ANKRD10: variants seen among roughly 807,000 people sequenced by gnomAD.
ANKRD10 encodes the protein ankyrin repeat domain-containing protein 10.
Under a neutral mutation model 27.0 loss-of-function variants are expected in ANKRD10, and 14 were observed. The observed-to-expected ratio is 0.52, with a 90% CI of 0.34 to 0.81. The LOEUF (loss-of-function observed/expected upper bound fraction) is 0.81. Ranked by LOEUF, ANKRD10 falls within the 40% of genes least tolerant of loss-of-function variation. The probability of loss-of-function intolerance (pLI) is 0.01; values close to 1 mark genes in which losing one functional copy is unlikely to be tolerated. For missense variants in ANKRD10, 493 were observed against 544.0 expected (o/e 0.91, Z 0.93); for synonymous variants, 250 against 224.5 (o/e 1.11, Z -1.01).
chr13:110,906,611 T>C (rs1419849407), intron 2 of ANKRD10, among the ~76,000 whole-genome samples: 1 of 152,204 alleles, frequency 6.6e-6, no homozygotes, highest in Non-Finnish European at 1.5e-5. Flanking sequence ...ATCTTGAATC[T>C]TCTGCTTTGA....
At chr13:110,909,413 A>G (rs1441921360) in intron 2 of ANKRD10, among the ~76,000 whole-genome samples, 1 of 152,246 alleles carries the variant, frequency 6.6e-6, no homozygotes, top group East Asian at 1.9e-4. Context: ...GGTATTGAGT[A>G]GGTAATTCAT....
At chr13:110,900,649 C>G (rs1386714321) in intron 3 of ANKRD10, 1 of 1,352,000 alleles carries the variant, frequency 7.4e-7, no homozygotes, top group Non-Finnish European at 9.8e-7. Flanking sequence ...AATGCTCCCC[C>G]TTTCTAGGAT....
At chr13:110,894,312 A>G in intron 3 of ANKRD10, 1 of 612,154 alleles carries the variant, frequency 1.6e-6, no homozygotes, top group Non-Finnish European at 2.9e-6. Context: ...CTACATCCAC[A>G]GCAAAAGCAT....
At chr13:110,896,963 A>C (rs539668247) in intron 3 of ANKRD10, among the ~76,000 whole-genome samples, 13 of 137,480 alleles carry the variant, frequency 9.5e-5, no homozygotes, top group Admixed American at 3.8e-4. Flanking sequence ...GTACATTGTA[A>C]ATTCCAATAC....
rs911836458 is a variant in ANKRD10 at position 110,914,857 on chromosome 13, C to A, written c.78G>T (p.Leu26=). ...GGTCCCCGTCGCGGCAGGCGCGGTGCAGCGGGAAACGGAGCGAGAGCAGCT... is the reference window on the plus strand; with the variant it reads ...GGTCCCCGTCGCGGCAGGCGCGGTGAAGCGGGAAACGGAGCGAGAGCAGCT... ...SEELLSLRFP[L]HRACRDGDLA... The change falls in exon 1 of 6, where the codon CTG becomes CTT. Residue 26 remains leucine (L), a synonymous_variant. Transcript: ENST00000267339. 6.4e-7 allele frequency: 1 copy of A among 1,560,830 alleles called. No individual in the cohort carries two copies. The highest frequency in any genetic ancestry group is 2.4e-5 in the East Asian group (1 of 41,568).
At chr13:110,882,359 C>T (rs1290789969) in intron 5 of ANKRD10, among the ~76,000 whole-genome samples, 1 of 152,180 alleles carries the variant, frequency 6.6e-6, no homozygotes, top group African/African-American at 2.4e-5. Flanking sequence ...CGTGGAGTGC[C>T]ATGTCCCACA....
intron 4 of ANKRD10, among the ~76,000 whole-genome samples, chr13:110,885,595 G>C (rs1276282654): frequency 1.3e-5 from 2 of 151,974 alleles, no homozygotes; most frequent in East Asian, 3.9e-4. Flanking sequence ...AATGGGAGAG[G>C]GGGGTGGTGG....
At chr13:110,884,579 C>T (rs1383947498) in intron 4 of ANKRD10, among the ~76,000 whole-genome samples, 1 of 152,228 alleles carries the variant, frequency 6.6e-6, no homozygotes, top group African/African-American at 2.4e-5. Context: ...TATTCATTTA[C>T]CATGGCATAA....
At chr13:110,881,405 A>G (rs544021403) in intron 5 of ANKRD10, among the ~76,000 whole-genome samples, 1 of 152,344 alleles carries the variant, frequency 6.6e-6, no homozygotes, top group East Asian at 1.9e-4. Flanking sequence ...CTTCCTGCCA[A>G]TAAAGGATCA....
Position 110,887,731 on chromosome 13 carries a change from G to A in ANKRD10, c.692-3938C>T, listed in dbSNP as rs148653790. Reference sequence around the variant, plus strand: ...AGGCAAAGCTTGAGATCCTGACCTAGATTAGTCATCTACCTTTTACTGTGC... The same window carrying A: ...AGGCAAAGCTTGAGATCCTGACCTAAATTAGTCATCTACCTTTTACTGTGC... On this transcript the variant is annotated intron_variant, in intron 4 of 5. Coordinates refer to ENST00000267339, the MANE Select transcript of ANKRD10 (RefSeq NM_017664.4). Among the ~76,000 whole-genome samples the A allele has an allele frequency of 4.7e-3, 709 of 152,298 alleles. 3 individuals are homozygous for A. Among genetic ancestry groups the A allele is most frequent in the African/African-American group, 0.016 (668 of 41,558 alleles).
At chr13:110,883,914 A>AAAAAAAAAAAAAC in intron 4 of ANKRD10, 121 bp from the exon 5 acceptor site, 20 of 1,096,626 alleles carry the variant, frequency 1.8e-5, no homozygotes, top group East Asian at 3.0e-5. Context: ...ATAAAAAAAA[A>AAAAAAAAAAAAAC]TCGACAGGTC....
At position 110,914,789 on chromosome 13, in the gene ANKRD10, T is replaced by G; in HGVS notation, c.146A>C (p.His49Pro). The G allele has an allele frequency of 6.3e-7, 1 of 1,596,978 alleles. No individual in the cohort carries two copies. The highest frequency in any genetic ancestry group is 8.5e-7 in the Non-Finnish European group (1 of 1,172,480). ...ATAGAAGGAGTCCTCAGAGGCCAGGTGGGCGTGGGGTGTCTGCTGCAGCAG... is the reference window on the plus strand; with the variant it reads ...ATAGAAGGAGTCCTCAGAGGCCAGGGGGGCGTGGGGTGTCTGCTGCAGCAG... ...CSLLQQTPHA[H>P]LASEDSFYGW... is the part of the protein sequence containing the mutation. Residue 49 changes from histidine to proline, a missense_variant, in exon 1 of 6, where the codon CAC becomes CCC. By Grantham distance (77) the His-to-Pro change is moderately conservative. Transcript: ENST00000267339.
chr13:110,900,838 A>C (rs542103216), intron 3 of ANKRD10: 1 of 454,304 alleles, frequency 2.2e-6, no homozygotes, highest in East Asian at 6.9e-5. Flanking sequence ...ATACATAGAC[A>C]ACATAAGGTG....
At chr13:110,909,985 C>G (rs2065649933) in intron 2 of ANKRD10, among the ~76,000 whole-genome samples, 1 of 152,214 alleles carries the variant, frequency 6.6e-6, no homozygotes, top group Non-Finnish European at 1.5e-5. Context: ...TGCTCCCAGT[C>G]AGACAACCTA....
intron 4 of ANKRD10, among the ~76,000 whole-genome samples, chr13:110,891,435 C>G (rs1232816702): frequency 2.6e-5 from 4 of 152,122 alleles, no homozygotes; most frequent in African/African-American, 9.7e-5. Context: ...TAGCATCTTT[C>G]CAGAAATGCT....
chr13:110,883,479 C>A, intron 5 of ANKRD10: 5 of 1,280,796 alleles, frequency 3.9e-6, no homozygotes. Context: ...TATAGTATAA[C>A]ATTTTTAAAA....
intron 3 of ANKRD10, chr13:110,894,555 T>A (rs531692374): frequency 6.1e-6 from 1 of 163,650 alleles, no homozygotes; most frequent in East Asian, 1.7e-4. Context: ...AAATGAGAAG[T>A]GTGCATGGAC....
At chr13:110,900,063 A>T (rs753934426) in intron 3 of ANKRD10, among the ~76,000 whole-genome samples, 1 of 146,930 alleles carries the variant, frequency 6.8e-6, no homozygotes, top group Non-Finnish European at 1.5e-5. Context: ...ACTCAAATTT[A>T]TATCTAAGAA....
intron 4 of ANKRD10, among the ~76,000 whole-genome samples, chr13:110,884,328 G>A (rs1341970212): frequency 6.6e-6 from 1 of 152,110 alleles, no homozygotes; most frequent in Non-Finnish European, 1.5e-5. Flanking sequence ...CCAAAATACA[G>A]AAAGCGTTAG....
Sources: allele counts gnomAD v4.1 joint callset (sites outside exome capture counted in the v4.1 genomes callset), GRCh38; gene constraint gnomAD v4.1.1; transcripts MANE v1.5; gene names NCBI Gene and HGNC (gene_info 2026-07-23, HGNC 2026-07-21).